The following EIF3M variants were observed in gnomAD, a reference collection of about 807,000 sequenced individuals.
EIF3M encodes eukaryotic translation initiation factor 3 subunit M.
In EIF3M, 25 loss-of-function variants were observed where a neutral mutation model predicts 49.7. That is an observed-to-expected ratio of 0.50 (90% CI 0.37 to 0.70). EIF3M has a LOEUF of 0.70. EIF3M is among the 30% of genes least tolerant of loss of function. The probability of loss-of-function intolerance (pLI) is 0.00; values close to 1 mark genes in which losing one functional copy is unlikely to be tolerated. For missense variants in EIF3M, 350 were observed against 440.0 expected (o/e 0.80, Z 1.83); for synonymous variants, 156 against 149.8 (o/e 1.04, Z -0.30).
intron 8 of EIF3M, among the ~76,000 whole-genome samples, chr11:32,597,329 T>C (rs1462560397): frequency 1.4e-5 from 2 of 141,974 alleles, no homozygotes; most frequent in African/African-American, 5.1e-5. Flanking sequence ...TGGTAACAAA[T>C]AGTTTTTTCC....
At chr11:32,596,309 G>T (rs1437294702) in intron 8 of EIF3M, among the ~76,000 whole-genome samples, 3 of 152,098 alleles carry the variant, frequency 2.0e-5, no homozygotes, top group Admixed American at 1.3e-4. Flanking sequence ...AAAACAACTC[G>T]GGGCCCAGCG....
intron 8 of EIF3M, among the ~76,000 whole-genome samples, chr11:32,599,843 C>T (rs1855234371): frequency 6.6e-6 from 1 of 151,706 alleles, no homozygotes; most frequent in Non-Finnish European, 1.5e-5. Flanking sequence ...ACTATAAGTC[C>T]CCATTTAATC....
At position 32,604,840 on chromosome 11, in the gene EIF3M, T is replaced by C. The variant is rs1287050886; in HGVS notation, c.*2441T>C. On this transcript the variant is annotated 3_prime_UTR_variant, in exon 11 of 11. Transcript: ENST00000531120. ...CATTGTCATTTTCAGTGTTAGATTA[T>C]GTAGTACTAAGTTTATTTTATTTTA... 1 of 152,144 alleles carries C rather than the reference T, an allele frequency of 6.6e-6. No individual in the cohort carries two copies. Among genetic ancestry groups the C allele is most frequent in the Non-Finnish European group, 1.5e-5 (1 of 68,030 alleles). The allele number at this position is 152,144 out of a possible 1,614,324, so 9.4% of individuals were successfully genotyped here. A position where few individuals can be genotyped will look rare whatever the true frequency, so the allele number is the denominator to read the frequency against.
chr11:32,588,300 A>T (rs1855032401), intron 2 of EIF3M, among the ~76,000 whole-genome samples: 1 of 151,478 alleles, frequency 6.6e-6, no homozygotes, highest in South Asian at 2.1e-4. Flanking sequence ...GAGACGGGAG[A>T]ATCGCTTGAA....
chr11:32,600,724 CTACT>C lies in EIF3M; in HGVS notation c.841_844del (p.Thr281LeufsTer6), dbSNP rs1855248497. ...TGAACAGAATATGGCAAAAATGAGA[CTACT>C]TACTTTTATGGGAATGGCAGTAGAA... On this transcript the variant is annotated frameshift_variant, in exon 9 of 11. Coordinates refer to ENST00000531120, the MANE Select transcript of EIF3M (RefSeq NM_006360.6). LOFTEE classifies it high-confidence loss of function. 6.2e-7 allele frequency: 1 copy of C among 1,610,958 alleles called. No homozygotes were observed. The highest frequency in any genetic ancestry group is 1.3e-5 in the African/African-American group (1 of 74,780).
Position 32,588,659 on chromosome 11 carries a change from G to A in EIF3M, c.241G>A (p.Ala81Thr), listed in dbSNP as rs758364739. ...LLILEPDKQEALIESLCEKLV... is the reference protein window; with the variant it reads ...LLILEPDKQETLIESLCEKLV... ...GATCCTGGAACCAGACAAGCAAGAAGCTTTGATTGAAAGCCTATGTGAAAA... is the reference window on the plus strand; with the variant it reads ...GATCCTGGAACCAGACAAGCAAGAAACTTTGATTGAAAGCCTATGTGAAAA... Residue 81 changes from alanine (A) to threonine (T), a missense_variant, in exon 3 of 11, where the codon GCT (alanine) becomes ACT (threonine). Transcript: ENST00000531120. 4 of 1,614,234 alleles carry A rather than the reference G, an allele frequency of 2.5e-6. No homozygotes were observed. The highest frequency in any genetic ancestry group is 3.4e-6 in the Non-Finnish European group (4 of 1,180,034).
intron 8 of EIF3M, among the ~76,000 whole-genome samples, chr11:32,600,165 G>T (rs1181526629): frequency 6.6e-6 from 1 of 151,792 alleles, no homozygotes; most frequent in Non-Finnish European, 1.5e-5. Flanking sequence ...GTGACCTGAA[G>T]CAAAATGGAA....
At chr11:32,583,979 G>A (rs1374799682) in intron 1 of EIF3M, 50 bp downstream of exon 1, 1 of 1,609,252 alleles carries the variant, frequency 6.2e-7, no homozygotes, top group South Asian at 1.1e-5. Flanking sequence ...GGATGTCCTA[G>A]TAGCGCAAGG....
At position 32,602,700 on chromosome 11, in the gene EIF3M, G is replaced by A. The variant is rs1199615486; in HGVS notation, c.*301G>A. On this transcript the variant is annotated 3_prime_UTR_variant, in exon 11 of 11. Transcript: ENST00000531120. ...AATTTCTTCACATTAGAAAAACTTG[G>A]AAAAGCAAAGACAAACTGTAGAGCT... 1.0e-6 allele frequency: 1 copy of A among 955,706 alleles called. No homozygotes were observed. The highest frequency in any genetic ancestry group is 1.5e-6 in the Non-Finnish European group (1 of 657,728). 59.2% of individuals were successfully genotyped at this position (955,706 alleles called of 1,614,324 possible).
intron 7 of EIF3M, among the ~76,000 whole-genome samples, chr11:32,595,633 G>A (rs1215445027): frequency 1.3e-5 from 2 of 152,074 alleles, no homozygotes; most frequent in African/African-American, 4.8e-5. Flanking sequence ...GCCCCACTTA[G>A]GAATATAAGT....
chr11:32,600,862 T>A, intron 9 of EIF3M, 30 bp downstream of exon 9: 7 of 1,567,580 alleles, frequency 4.5e-6, no homozygotes, highest in Non-Finnish European at 5.2e-6. Context: ...TTCATTTATT[T>A]CTAGAATTTC....
At chr11:32,588,984 ATTGT>A (rs747404370) in intron 3 of EIF3M, 24 bp from the exon 4 acceptor site, 1 of 1,610,502 alleles carries the variant, frequency 6.2e-7, no homozygotes, top group South Asian at 1.1e-5. Flanking sequence ...GATTTCAAAC[ATTGT>A]TTATTTGTTT....
intron 9 of EIF3M, chr11:32,601,541 C>G: frequency 3.0e-6 from 1 of 338,232 alleles, no homozygotes; most frequent in Admixed American, 4.5e-5. Flanking sequence ...AAACTGTATG[C>G]AGTATTTATT....
Position 32,602,789 on chromosome 11 carries a change from C to T in EIF3M, c.*390C>T, listed in dbSNP as rs769900624. On this transcript the variant is annotated 3_prime_UTR_variant, in exon 11 of 11. Transcript: ENST00000531120. ...CCAGAATTTCAGTTACATAATTTCA[C>T]TACTGAAAGCACTTATCTACATTAT... 4.1e-6 allele frequency: 6 copies of T among 1,451,234 alleles called. No homozygotes were observed. Among genetic ancestry groups the T allele is most frequent in the Admixed American group, 2.3e-5 (1 of 43,674 alleles). 89.9% of individuals were successfully genotyped at this position (1,451,234 alleles called of 1,614,324 possible).
Position 32,603,512 on chromosome 11 carries a change from G to A in EIF3M, c.*1113G>A, listed in dbSNP as rs1565053027. ...TCCAGAGAGGCTTGTTGACATTTTGGTATTATTTGCTGCTAGCGTTTTTTT... is the reference window on the plus strand; with the variant it reads ...TCCAGAGAGGCTTGTTGACATTTTGATATTATTTGCTGCTAGCGTTTTTTT... On this transcript the variant is annotated 3_prime_UTR_variant, in exon 11 of 11. Coordinates refer to ENST00000531120, the MANE Select transcript of EIF3M (RefSeq NM_006360.6). 1.3e-5 allele frequency: 2 copies of A among 152,176 alleles called. No individual in the cohort carries two copies. Among genetic ancestry groups the A allele is most frequent in the Non-Finnish European group, 2.9e-5 (2 of 68,126 alleles). The allele number at this position is 152,176 out of a possible 1,614,324, so 9.4% of individuals were successfully genotyped here.
At chr11:32,588,000 CT>C (rs1246895725) in intron 2 of EIF3M, among the ~76,000 whole-genome samples, 2 of 152,136 alleles carry the variant, frequency 1.3e-5, no homozygotes, top group African/African-American at 2.4e-5. Context: ...TATCCTAGTC[CT>C]AAATCATACC....
chr11:32,592,367 G>A (rs1414358462), intron 5 of EIF3M: 2 of 551,778 alleles, frequency 3.6e-6, no homozygotes, highest in Admixed American at 4.1e-5. Flanking sequence ...CAGTCCTCCT[G>A]TAACTTCTGT....
Position 32,598,051 on chromosome 11 carries a change from A to G in EIF3M, c.799+2004A>G, listed in dbSNP as rs137917464. On this transcript the variant is annotated intron_variant, in intron 8 of 10. Transcript: ENST00000531120. ...TTGTGTAGAAAGCTTTGCCAGGTGCACTAGACCCAGAAAACCACATTCTGT... is the reference window on the plus strand; with the variant it reads ...TTGTGTAGAAAGCTTTGCCAGGTGCGCTAGACCCAGAAAACCACATTCTGT... 1.3e-4 allele frequency among the ~76,000 whole-genome samples: 20 copies of G among 152,326 alleles called. No homozygotes were observed. In the East Asian group the frequency reaches 2.9e-3, roughly 22 times the overall value.
At chr11:32,593,736 A>G (rs1322758145) in intron 5 of EIF3M, 130 bp from the exon 6 acceptor site, 3 of 514,330 alleles carry the variant, frequency 5.8e-6, no homozygotes, top group Non-Finnish European at 9.3e-6. Flanking sequence ...GACTTTTCCC[A>G]TAGACAGGGA....
Sources: gnomAD v4.1 joint callset for allele counts (sites outside exome capture counted in the v4.1 genomes callset) on GRCh38, gnomAD v4.1.1 for gene constraint, MANE v1.5 for transcripts, NCBI Gene and HGNC (gene_info 2026-07-23, HGNC 2026-07-21) for gene names.